UBE2D2: variants seen among roughly 807,000 people sequenced by gnomAD.
UBE2D2 encodes the protein ubiquitin-conjugating enzyme E2 D2.
A neutral mutation model predicts 24.2 loss-of-function variants in UBE2D2; 2 were observed. The ratio of observed to expected loss-of-function variants is 0.08; its 90% CI spans 0.03 to 0.26. The LOEUF is 0.26. UBE2D2 is among the 10% of genes least tolerant of loss of function. The probability of loss-of-function intolerance (pLI) is 1.00; values close to 1 mark genes in which losing one functional copy is unlikely to be tolerated. For synonymous variants in UBE2D2, 58 were observed against 56.5 expected (o/e 1.03, Z -0.12); for missense variants, 44 against 177.6 (o/e 0.25, Z 4.28).
At chr5:139,529,872 C>T (rs1404169768) in intron 1 of UBE2D2, among the ~76,000 whole-genome samples, 3 of 152,116 alleles carry the variant, frequency 2.0e-5, no homozygotes, top group Non-Finnish European at 4.4e-5. Context: ...GTAGCCCAGT[C>T]TCTACAAGTC....
chr5:139,599,092 G>A (rs979606501), intron 1 of UBE2D2, among the ~76,000 whole-genome samples: 8 of 151,494 alleles, frequency 5.3e-5, no homozygotes, highest in Non-Finnish European at 1.0e-4. Flanking sequence ...ACTACGCTCG[G>A]CTAATTTTTG....
intron 1 of UBE2D2, among the ~76,000 whole-genome samples, chr5:139,587,389 A>G (rs1753752355): frequency 6.6e-6 from 1 of 152,190 alleles, no homozygotes; most frequent in Non-Finnish European, 1.5e-5. Context: ...TCAAGCCATA[A>G]CAAACATGGA....
At chr5:139,581,660 AGTTTGTTTGTTT>A (rs576107646) in intron 1 of UBE2D2, among the ~76,000 whole-genome samples, 7 of 151,984 alleles carry the variant, frequency 4.6e-5, no homozygotes, top group South Asian at 4.2e-4. Flanking sequence ...AATTTTATGT[AGTTTGTTTGTTT>A]GTTTGTTTGT....
chr5:139,584,085 C>T (rs185288820), intron 1 of UBE2D2, among the ~76,000 whole-genome samples: 9 of 152,306 alleles, frequency 5.9e-5, no homozygotes, highest in Admixed American at 5.2e-4. Context: ...TCATTCATTA[C>T]GGACTCATCC....
In UBE2D2 at chr5:139,602,385, G is replaced by A. The variant is rs573968216; in HGVS notation, c.88+1950G>A. On this transcript the variant is annotated intron_variant, in intron 2 of 6. Transcript: ENST00000398733. ...TTTTTTCCTGATTTTTCTTAATAATGTTGTGTCTGGGCCCAGCCCAGTGGC... is the reference window on the plus strand; with the variant it reads ...TTTTTTCCTGATTTTTCTTAATAATATTGTGTCTGGGCCCAGCCCAGTGGC... 5.9e-5 allele frequency among the ~76,000 whole-genome samples: 9 copies of A among 152,242 alleles called. No individual in the cohort carries two copies. In the South Asian group the frequency reaches 1.4e-3, roughly 25 times the overall value.
chr5:139,582,177 C>G (rs1220803850), intron 1 of UBE2D2, among the ~76,000 whole-genome samples: 1 of 151,978 alleles, frequency 6.6e-6, no homozygotes, highest in Non-Finnish European at 1.5e-5. Context: ...CAAGGCCTCA[C>G]TATGTTGTCT....
intron 5 of UBE2D2, among the ~76,000 whole-genome samples, chr5:139,620,132 C>G (rs1039959415): frequency 1.3e-5 from 2 of 152,180 alleles, no homozygotes; most frequent in African/African-American, 4.8e-5. Flanking sequence ...CCCCCATAAT[C>G]CAGTCGCCTC....
intron 2 of UBE2D2, among the ~76,000 whole-genome samples, chr5:139,614,288 C>T (rs1425342116): frequency 2.0e-5 from 3 of 151,930 alleles, no homozygotes; most frequent in Non-Finnish European, 4.4e-5. Context: ...ATTGCAGCCT[C>T]CACTTCTCAG....
chr5:139,582,435 T>G (rs1407814525), intron 1 of UBE2D2, among the ~76,000 whole-genome samples: 1 of 151,904 alleles, frequency 6.6e-6, no homozygotes, highest in African/African-American at 2.4e-5. Flanking sequence ...GGTCTTGGAC[T>G]CCTGACCTCA....
chr5:139,531,370 T>C (rs963314953), intron 1 of UBE2D2, among the ~76,000 whole-genome samples: 4 of 152,226 alleles, frequency 2.6e-5, no homozygotes, highest in Admixed American at 6.5e-5. Context: ...CCCTGTCACG[T>C]ACCGCCTGCC....
At chr5:139,571,540 G>C (rs1468988607) in intron 1 of UBE2D2, among the ~76,000 whole-genome samples, 1 of 152,036 alleles carries the variant, frequency 6.6e-6, no homozygotes, top group Non-Finnish European at 1.5e-5. Flanking sequence ...GGAAACAGTG[G>C]GAGAAATAAA....
At chr5:139,607,056 G>A (rs758359228) in intron 2 of UBE2D2, among the ~76,000 whole-genome samples, 29 of 152,134 alleles carry the variant, frequency 1.9e-4, no homozygotes, top group Middle Eastern at 3.4e-3. Context: ...GGTCTGCCCC[G>A]GCCTCCCAAA....
chr5:139,609,342 A>G (rs1754264135), intron 2 of UBE2D2, among the ~76,000 whole-genome samples: 1 of 151,880 alleles, frequency 6.6e-6, no homozygotes, highest in Admixed American at 6.6e-5. Flanking sequence ...CAGGAGTTCA[A>G]GACCATCCTG....
intron 1 of UBE2D2, among the ~76,000 whole-genome samples, chr5:139,529,804 G>A (rs780363105): frequency 1.3e-5 from 2 of 152,124 alleles, no homozygotes; most frequent in Non-Finnish European, 2.9e-5. Flanking sequence ...AACTAAATGT[G>A]CCAGTACCTG....
At chr5:139,590,858 G>C (rs191677716) in intron 1 of UBE2D2, among the ~76,000 whole-genome samples, 5 of 137,422 alleles carry the variant, frequency 3.6e-5, no homozygotes, top group African/African-American at 5.5e-5. Flanking sequence ...GCAGTGGCGC[G>C]ATCTTGGCTC....
At chr5:139,536,293 T>G (rs1285685135) in intron 1 of UBE2D2, among the ~76,000 whole-genome samples, 1 of 151,764 alleles carries the variant, frequency 6.6e-6, no homozygotes, top group Admixed American at 6.6e-5. Flanking sequence ...TAGACAGGGT[T>G]TCTCCACATT....
chr5:139,569,895 G>C (rs978884502), intron 1 of UBE2D2, among the ~76,000 whole-genome samples: 3 of 152,122 alleles, frequency 2.0e-5, no homozygotes, highest in African/African-American at 7.2e-5. Context: ...TTTAAACTGT[G>C]TCCTGGAACC....
chr5:139,623,195 A>C (rs754189627), intron 5 of UBE2D2, among the ~76,000 whole-genome samples, 173 bp from the exon 6 acceptor site: 1 of 152,074 alleles, frequency 6.6e-6, no homozygotes, highest in African/African-American at 2.4e-5. Context: ...AGAAATAATA[A>C]TAATAATAAT....
chr5:139,561,651 C>A lies in UBE2D2; in HGVS notation c.-141C>A. The A allele has an allele frequency of 1.7e-6, 1 of 591,044 alleles. No homozygotes were observed. The highest frequency in any genetic ancestry group is 2.7e-6 in the Non-Finnish European group (1 of 367,322). The allele number at this position is 591,044 out of a possible 1,614,324, so 36.6% of individuals were successfully genotyped here. A position where few individuals can be genotyped will look rare whatever the true frequency, so the allele number is the denominator to read the frequency against. ...AGTGGGCCCCGGCCCTCAGCCCGTC[C>A]CGCCGGACCCGCTTTCCTCAACTCT... On this transcript the variant is annotated 5_prime_UTR_variant, in exon 1 of 7. Transcript: ENST00000398733.
Sources: gnomAD v4.1 joint callset for allele counts (sites outside exome capture counted in the v4.1 genomes callset) on GRCh38, gnomAD v4.1.1 for gene constraint, MANE v1.5 for transcripts, NCBI Gene and HGNC (gene_info 2026-07-23, HGNC 2026-07-21) for gene names.